UNC13B: variants seen among roughly 807,000 people sequenced by gnomAD.
UNC13B encodes unc-13 homolog B.
In UNC13B, 144 loss-of-function variants were observed where a neutral mutation model predicts 211.0. That is an observed-to-expected ratio of 0.68 (90% CI 0.60 to 0.78). The LOEUF is 0.78. Among genes scored for constraint, UNC13B ranks in the 30% least tolerant of loss-of-function variants. UNC13B has a pLI of 0.00. For synonymous variants in UNC13B, 709 were observed against 725.8 expected (o/e 0.98, Z 0.37); for missense variants, 1,777 against 2,002.0 (o/e 0.89, Z 2.14).
At chr9:35,276,313 A>G in intron 7 of UNC13B, among the ~76,000 whole-genome samples, 1 of 151,814 alleles carries the variant, frequency 6.6e-6, no homozygotes, top group East Asian at 1.9e-4. Context: ...CTCAAAAAAA[A>G]AAAAAAAAAA....
chr9:35,260,743 A>C (rs1425194276), intron 7 of UNC13B, among the ~76,000 whole-genome samples: 2 of 152,178 alleles, frequency 1.3e-5, no homozygotes, highest in African/African-American at 4.8e-5. Context: ...AAGAATCTGA[A>C]TCCAAAACCA....
chr9:35,277,912 C>T (rs1828269379), intron 7 of UNC13B, among the ~76,000 whole-genome samples: 1 of 151,552 alleles, frequency 6.6e-6, no homozygotes, highest in South Asian at 2.1e-4. Context: ...AAGGAAAGTC[C>T]CGAGGTGGCA....
intron 1 of UNC13B, among the ~76,000 whole-genome samples, chr9:35,206,259 T>C (rs1197199204): frequency 2.6e-5 from 4 of 152,170 alleles, no homozygotes; most frequent in Non-Finnish European, 5.9e-5. Context: ...ATTAACTATT[T>C]GAAAGTGTGC....
chr9:35,387,465 G>A (rs1356547658), intron 24 of UNC13B, among the ~76,000 whole-genome samples: 1 of 152,136 alleles, frequency 6.6e-6, no homozygotes, highest in East Asian at 1.9e-4. Flanking sequence ...AAAGCCTCCT[G>A]TTGATTCTGA....
At chr9:35,241,386 C>G (rs1041610159) in intron 5 of UNC13B, among the ~76,000 whole-genome samples, 2 of 152,066 alleles carry the variant, frequency 1.3e-5, no homozygotes, top group South Asian at 2.1e-4. Context: ...TTGTATCTCT[C>G]TGTATTTTTT....
chr9:35,194,478 T>C (rs923761188), intron 1 of UNC13B, among the ~76,000 whole-genome samples: 7 of 152,112 alleles, frequency 4.6e-5, no homozygotes, highest in Admixed American at 3.9e-4. Context: ...AATGGCTAAG[T>C]CCTCCATGAA....
rs369429208 is a variant in UNC13B, at chr9:35,335,287, TA to T, written c.9414+21300del. The stretch of plus-strand genomic sequence containing the variant: ...GCTTCTAAAGATGGAAATCAAGGGA[TA>T]ACTTGCTTCCTGTGTTTGCAAGCAT... On this transcript the variant is annotated intron_variant, in intron 11 of 39. Transcript: ENST00000635942. Among the ~76,000 whole-genome samples the T allele has an allele frequency of 7.3e-4, 111 of 152,324 alleles. 1 individual carries two copies. The South Asian group carries it at 0.018, about 25-fold the overall frequency.
At position 35,259,240 on chromosome 9, in the gene UNC13B, G is replaced by A. The variant is rs140429301; in HGVS notation, c.526+190G>A. Among the ~76,000 whole-genome samples the A allele has an allele frequency of 2.8e-4, 42 of 152,150 alleles. 1 individual carries two copies. In the East Asian group the frequency reaches 7.7e-3, roughly 28 times the overall value. On this transcript the variant is annotated intron_variant, in intron 7 of 39. Coordinates refer to ENST00000635942, the MANE Select transcript of UNC13B (RefSeq NM_001371189.2). ...TATTAGCTTTAGGGAGACGTTTTTC[G>A]GTTTTGTATGGGGGGAGTAGGGCTC...
intron 11 of UNC13B, among the ~76,000 whole-genome samples, chr9:35,366,189 C>G (rs546798804): frequency 3.9e-5 from 6 of 152,322 alleles, no homozygotes; most frequent in Admixed American, 2.0e-4. Flanking sequence ...CTGGAGCACT[C>G]TGGCAGCTTT....
intron 1 of UNC13B, among the ~76,000 whole-genome samples, chr9:35,205,695 T>A (rs1823604216): frequency 6.6e-6 from 1 of 152,234 alleles, no homozygotes; most frequent in Non-Finnish European, 1.5e-5. Context: ...ATCATTTTTT[T>A]AGGTTCATCC....
At position 35,162,305 on chromosome 9, in the gene UNC13B, G is replaced by A; in HGVS notation, c.22G>A (p.Val8Ile). MSLLCVRVKRAKFQGSPD... is the reference protein window; with the variant it reads MSLLCVRIKRAKFQGSPD... ...GGCCATGTCACTGCTCTGCGTGCGCGGTGAGTGCGCGGACTGAGGCGGGGA... is the reference window on the plus strand; with the variant it reads ...GGCCATGTCACTGCTCTGCGTGCGCAGTGAGTGCGCGGACTGAGGCGGGGA... The change falls in exon 1 of 40, where the codon GTT (valine) becomes ATT (isoleucine). Residue 8 changes from valine (V) to isoleucine (I), a missense_variant and splice_region_variant. Val to Ile is a conservative substitution (Grantham distance 29, BLOSUM62 3). Coordinates refer to ENST00000635942, the MANE Select transcript of UNC13B (RefSeq NM_001371189.2). 6.5e-7 allele frequency: 1 copy of A among 1,543,780 alleles called. No individual in the cohort carries two copies. The highest frequency in any genetic ancestry group is 8.7e-7 in the Non-Finnish European group (1 of 1,149,690).
chr9:35,250,993 C>T (rs1826438096), intron 6 of UNC13B, among the ~76,000 whole-genome samples: 1 of 110,642 alleles, frequency 9.0e-6, no homozygotes, highest in Non-Finnish European at 1.7e-5. Context: ...GAAGGAATCT[C>T]ACTCTGTTGC....
In UNC13B at chr9:35,305,135, G is replaced by A; in HGVS notation, c.5731G>A (p.Asp1911Asn). The A allele has an allele frequency of 2.5e-6, 1 of 398,878 alleles. No homozygotes were observed. 24.7% of individuals were successfully genotyped at this position (398,878 alleles called of 1,614,324 possible). A position where few individuals can be genotyped will look rare whatever the true frequency, so the allele number is the denominator to read the frequency against. ...LPQGQSSKES[D>N]KTLFKSSLKL... ...CCAGGGCCAGTCATCCAAAGAGTCT[G>A]ATAAAACATTATTTAAAAGTTCATT... is the stretch of plus-strand genomic sequence containing the variant. Residue 1911 changes from aspartate (D) to asparagine (N), a missense_variant, in exon 9 of 40, where the codon GAT (aspartate) becomes AAT (asparagine). Transcript: ENST00000635942.
intron 6 of UNC13B, among the ~76,000 whole-genome samples, chr9:35,245,133 C>T (rs1296668162): frequency 6.6e-6 from 1 of 152,032 alleles, no homozygotes; most frequent in Non-Finnish European, 1.5e-5. Flanking sequence ...AGACTGCCAT[C>T]ATCTTTGTTT....
chr9:35,342,949 T>G (rs549385517), intron 11 of UNC13B, among the ~76,000 whole-genome samples: 1 of 152,224 alleles, frequency 6.6e-6, no homozygotes, highest in Non-Finnish European at 1.5e-5. Flanking sequence ...ACCACCATCC[T>G]AATGTATTAA....
intron 5 of UNC13B, among the ~76,000 whole-genome samples, chr9:35,240,924 G>A (rs751763749): frequency 4.6e-5 from 7 of 151,762 alleles, no homozygotes; most frequent in Admixed American, 2.6e-4. Flanking sequence ...GCAAGGTGTC[G>A]TGCGCCTGTA....
intron 24 of UNC13B, 23 bp downstream of exon 24, chr9:35,386,316 G>A: frequency 6.2e-7 from 1 of 1,613,364 alleles, no homozygotes; most frequent in Non-Finnish European, 8.5e-7. Flanking sequence ...GGATCAGGTG[G>A]GGCCAGCTGT....
intron 11 of UNC13B, among the ~76,000 whole-genome samples, chr9:35,318,836 A>G (rs560614186): frequency 2.0e-5 from 3 of 152,294 alleles, no homozygotes; most frequent in Non-Finnish European, 2.9e-5. Flanking sequence ...CCATTTGTCT[A>G]TGGCTTAAAA....
intron 1 of UNC13B, among the ~76,000 whole-genome samples, chr9:35,168,264 G>T (rs771196360): frequency 3.9e-5 from 6 of 151,988 alleles, no homozygotes; most frequent in Non-Finnish European, 7.4e-5. Flanking sequence ...TAAGTTCAAG[G>T]GGTACATATG....
Sources: gnomAD v4.1 joint callset for allele counts (sites outside exome capture counted in the v4.1 genomes callset) on GRCh38, gnomAD v4.1.1 for gene constraint, MANE v1.5 for transcripts, NCBI Gene and HGNC (gene_info 2026-07-23, HGNC 2026-07-21) for gene names.